USP31: variants seen among roughly 807,000 people sequenced by gnomAD.
USP31 encodes the protein ubiquitin specific peptidase 31, also known as ubiquitin carboxyl-terminal hydrolase 31.
USP31 carries 44 observed loss-of-function variants against 119.4 expected under a neutral mutation model. The observed-to-expected ratio is 0.37, with a 90% CI of 0.29 to 0.47. The LOEUF (loss-of-function observed/expected upper bound fraction) is 0.47. USP31 is among the 20% of genes least tolerant of loss of function. The probability of loss-of-function intolerance (pLI) is 0.99; values close to 1 mark genes in which losing one functional copy is unlikely to be tolerated. For missense variants in USP31, 1,643 were observed against 1,730.2 expected, an observed-to-expected ratio of 0.95 and a Z score of 0.89; for synonymous variants, 749 against 705.6, an observed-to-expected ratio of 1.06 and a Z score of -0.97.
At chr16:23,098,703 C>G (rs1176003410) in intron 6 of USP31, among the ~76,000 whole-genome samples, 2 of 152,060 alleles carry the variant, frequency 1.3e-5, no homozygotes, top group African/African-American at 2.4e-5. Flanking sequence ...ACAAACCTGA[C>G]AAAAACAAGA....
At chr16:23,126,639 AAG>A (rs1483311696) in intron 1 of USP31, among the ~76,000 whole-genome samples, 2 of 146,790 alleles carry the variant, frequency 1.4e-5, no homozygotes, top group Non-Finnish European at 3.1e-5. Context: ...AAAAAAAAAA[AAG>A]AAATAAAAAA....
Position 23,149,152 on chromosome 16 carries a change from C to T in USP31, c.119G>A (p.Gly40Asp). Reference sequence around the variant, plus strand: ...CGCGGCCGGCCCGGACGCCCCGGGGCCCCCCGCGCCGCCGCCGCCAGCGCG... The same window carrying T: ...CGCGGCCGGCCCGGACGCCCCGGGGTCCCCCGCGCCGCCGCCGCCAGCGCG... ...SGRAGGGGAG[G>D]PGASGPAAPS... is the part of the protein sequence containing the mutation. Residue 40 changes from glycine to aspartate, a missense_variant, in exon 1 of 16, where the codon GGC becomes GAC. Gly to Asp is a moderately conservative substitution (Grantham distance 94). Around this residue, in one of 5 missense-constraint regions of USP31, gnomAD observed 302 missense variants for 262.6 expected, o/e 1.15. Coordinates refer to ENST00000219689, the MANE Select transcript of USP31 (RefSeq NM_020718.4). 7 of 1,177,168 alleles carry T rather than the reference C, an allele frequency of 5.9e-6. No individual in the cohort carries two copies. Among genetic ancestry groups the T allele is most frequent in the Non-Finnish European group, 6.3e-6 (6 of 947,158 alleles). The allele number at this position is 1,177,168 out of a possible 1,614,324, so 72.9% of individuals were successfully genotyped here. A position where few individuals can be genotyped will look rare whatever the true frequency, so the allele number is the denominator to read the frequency against.
intron 6 of USP31, among the ~76,000 whole-genome samples, chr16:23,096,269 G>A (rs1396996115): frequency 6.6e-6 from 1 of 152,116 alleles, no homozygotes; most frequent in Non-Finnish European, 1.5e-5. Flanking sequence ...AATGGTATAG[G>A]GATCAAATTC....
chr16:23,138,521 C>T (rs1903259567), intron 1 of USP31, among the ~76,000 whole-genome samples: 1 of 152,150 alleles, frequency 6.6e-6, no homozygotes, highest in Non-Finnish European at 1.5e-5. Context: ...ATACCACAAG[C>T]TTGTCTAAAA....
At position 23,067,868 on chromosome 16, in the gene USP31, G is replaced by A. The variant is rs561920833; in HGVS notation, c.*178C>T. 31 of 781,436 alleles carry A rather than the reference G, an allele frequency of 4.0e-5. No homozygotes were observed. In the East Asian group the frequency reaches 4.1e-4, roughly 10 times the overall value. The allele number at this position is 781,436 out of a possible 1,614,324, so 48.4% of individuals were successfully genotyped here. On this transcript the variant is annotated 3_prime_UTR_variant, in exon 16 of 16. Coordinates refer to ENST00000219689, the MANE Select transcript of USP31 (RefSeq NM_020718.4). ...TGGTTCAATGGCAGAATAAGGCGAC[G>A]CTTTGAACAATTTGCAATTGAATTA...
At chr16:23,090,295 A>G (rs535375484) in intron 7 of USP31, among the ~76,000 whole-genome samples, 15 of 152,328 alleles carry the variant, frequency 9.8e-5, no homozygotes, top group Admixed American at 9.1e-4. Context: ...CTGAGCCAAG[A>G]GAATCGCTTG....
intron 12 of USP31, 118 bp from the exon 13 acceptor site, chr16:23,080,289 T>C: frequency 2.4e-6 from 2 of 817,980 alleles, no homozygotes; most frequent in Non-Finnish European, 3.8e-6. Context: ...TATCTGATGT[T>C]TCCCAAGACA....
intron 1 of USP31, among the ~76,000 whole-genome samples, chr16:23,134,046 C>T (rs866826389): frequency 5.3e-5 from 8 of 151,674 alleles, no homozygotes; most frequent in South Asian, 2.1e-4. Flanking sequence ...CACTACACTC[C>T]GGCCTGGGCA....
chr16:23,116,006 A>C (rs1320156992), intron 1 of USP31, among the ~76,000 whole-genome samples: 4 of 152,146 alleles, frequency 2.6e-5, no homozygotes, highest in African/African-American at 9.7e-5. Flanking sequence ...GAAGAAGAAA[A>C]AGCAATGGTC....
intron 15 of USP31, among the ~76,000 whole-genome samples, chr16:23,070,094 C>T (rs1185550421): frequency 6.6e-6 from 1 of 152,204 alleles, no homozygotes; most frequent in Non-Finnish European, 1.5e-5. Flanking sequence ...ACTCACAGGG[C>T]AAGTGTGACG....
At position 23,066,712 on chromosome 16, in the gene USP31, T is replaced by G. The variant is rs1900087389; in HGVS notation, c.*1334A>C. On this transcript the variant is annotated 3_prime_UTR_variant, in exon 16 of 16. Coordinates refer to ENST00000219689, the MANE Select transcript of USP31 (RefSeq NM_020718.4). The stretch of plus-strand genomic sequence containing the variant: ...GCAGGAAAGTATTGCCAGGAGACCT[T>G]GAAAAAGCTTGCAAAACTATATACT... 6.6e-6 allele frequency: 1 copy of G among 152,094 alleles called. No homozygotes were observed. The highest frequency in any genetic ancestry group is 2.4e-5 in the African/African-American group (1 of 41,422). 9.4% of individuals were successfully genotyped at this position (152,094 alleles called of 1,614,324 possible).
chr16:23,071,895 T>C, intron 15 of USP31, 150 bp downstream of exon 15: 2 of 1,103,988 alleles, frequency 1.8e-6, no homozygotes, highest in Non-Finnish European at 2.6e-6. Flanking sequence ...TTTAGGATCA[T>C]AACTCACAGC....
chr16:23,128,749 A>G (rs1473735755), intron 1 of USP31, among the ~76,000 whole-genome samples: 2 of 152,346 alleles, frequency 1.3e-5, no homozygotes, highest in South Asian at 2.1e-4. Flanking sequence ...CAAACAGTGC[A>G]GGCTTTCTGA....
intron 13 of USP31, 182 bp from the exon 14 acceptor site, chr16:23,074,062 T>C (rs1900460228): frequency 1.4e-6 from 1 of 714,066 alleles, no homozygotes; most frequent in African/African-American, 1.8e-5. Context: ...GCAAAATATC[T>C]TGAGAAATTC....
intron 1 of USP31, among the ~76,000 whole-genome samples, chr16:23,135,325 T>G (rs1403627581): frequency 6.6e-6 from 1 of 151,894 alleles, no homozygotes; most frequent in Admixed American, 6.6e-5. Flanking sequence ...CAACATAGTA[T>G]GAAAAGTTCT....
At chr16:23,123,445 GGA>G (rs1902743800) in intron 1 of USP31, among the ~76,000 whole-genome samples, 1 of 152,062 alleles carries the variant, frequency 6.6e-6, no homozygotes, top group African/African-American at 2.4e-5. Context: ...GGCTGAAGCA[GGA>G]GAATCACTTG....
intron 15 of USP31, among the ~76,000 whole-genome samples, chr16:23,070,139 G>A (rs1053367149): frequency 6.6e-6 from 1 of 152,198 alleles, no homozygotes; most frequent in African/African-American, 2.4e-5. Context: ...GTGCCCAACA[G>A]AGCACCTGGC....
intron 12 of USP31, among the ~76,000 whole-genome samples, chr16:23,081,669 C>T (rs1041126797): frequency 3.9e-5 from 6 of 152,300 alleles, no homozygotes; most frequent in African/African-American, 7.2e-5. Flanking sequence ...AATCCTACTC[C>T]GCCCCCAAAG....
chr16:23,135,242 T>TG (rs1473708093), intron 1 of USP31, among the ~76,000 whole-genome samples: 2 of 151,650 alleles, frequency 1.3e-5, no homozygotes, highest in Admixed American at 1.3e-4. Flanking sequence ...TCATACTGAA[T>TG]GGTCAAAGAC....
Sources: allele counts gnomAD v4.1 joint callset (sites outside exome capture counted in the v4.1 genomes callset), GRCh38; gene constraint gnomAD v4.1.1; regional missense constraint gnomAD v4.1.1; transcripts MANE v1.5; gene names NCBI Gene and HGNC (gene_info 2026-07-23, HGNC 2026-07-21).